Variants in SCHIP1 observed in about 807,000 individuals in gnomAD.
The protein encoded by SCHIP1 is schwannomin interacting protein 1, also known as schwannomin-interacting protein 1.
In SCHIP1, 8 loss-of-function variants were observed where a neutral mutation model predicts 29.7. The observed-to-expected ratio is 0.27, with a 90% CI of 0.16 to 0.49. The LOEUF is 0.49. Among genes scored for constraint, SCHIP1 ranks in the 20% least tolerant of loss-of-function variants. SCHIP1 has a pLI of 0.99. For missense variants in SCHIP1, 193 were observed against 294.6 expected, an observed-to-expected ratio of 0.66 and a Z score of 2.52; for synonymous variants, 76 against 94.9, an observed-to-expected ratio of 0.80 and a Z score of 1.16.
At chr3:159,775,187 A>G in the SCHIP1 span, among the ~76,000 whole-genome samples, 10 of 152,246 alleles carry the variant, frequency 6.6e-5, no homozygotes, top group East Asian at 9.6e-4. Context: ...ACTCTGCCGT[A>G]TAGAAATAAA....
chr3:159,502,160 A>C, the SCHIP1 span, among the ~76,000 whole-genome samples: 1 of 152,236 alleles, frequency 6.6e-6, no homozygotes, highest in African/African-American at 2.4e-5. Flanking sequence ...CTTCTAACCA[A>C]CTATAAACCT....
the SCHIP1 span, among the ~76,000 whole-genome samples, chr3:159,622,777 G>A: frequency 6.6e-6 from 1 of 152,022 alleles, no homozygotes; most frequent in Admixed American, 6.6e-5. Flanking sequence ...AAATTAGCCG[G>A]GCATGATGGT....
the SCHIP1 span, among the ~76,000 whole-genome samples, chr3:159,705,295 G>C: frequency 2.6e-5 from 4 of 151,968 alleles, no homozygotes; most frequent in African/African-American, 7.3e-5. Flanking sequence ...ATTAATTTTG[G>C]GTTTTTCTTT....
chr3:159,397,007 G>T, the SCHIP1 span, among the ~76,000 whole-genome samples: 1 of 144,114 alleles, frequency 6.9e-6, no homozygotes. Context: ...TTTCTTGGAG[G>T]CTTTGCTCGT....
the SCHIP1 span, among the ~76,000 whole-genome samples, chr3:159,830,936 CCT>C: frequency 6.6e-6 from 1 of 152,176 alleles, no homozygotes; most frequent in East Asian, 1.9e-4. Flanking sequence ...ATATGTCCAG[CCT>C]CTCTGCCACA....
At chr3:159,680,853 A>G in the SCHIP1 span, among the ~76,000 whole-genome samples, 17 of 146,894 alleles carry the variant, frequency 1.2e-4, no homozygotes, top group Non-Finnish European at 2.1e-4. Context: ...GAGGAATAGT[A>G]TGCCTGGTTA....
At chr3:159,419,550 T>C in the SCHIP1 span, among the ~76,000 whole-genome samples, 2 of 152,214 alleles carry the variant, frequency 1.3e-5, no homozygotes, top group Non-Finnish European at 2.9e-5. Context: ...GACTCACACC[T>C]GTAATCCCAG....
the SCHIP1 span, among the ~76,000 whole-genome samples, chr3:159,336,136 T>C: frequency 6.6e-6 from 1 of 152,256 alleles, no homozygotes; most frequent in South Asian, 2.1e-4. Context: ...GCTGCATAAA[T>C]GTCTTCTTTT....
the SCHIP1 span, among the ~76,000 whole-genome samples, chr3:159,342,452 C>A: frequency 2.6e-4 from 40 of 152,206 alleles, no homozygotes; most frequent in African/African-American, 9.6e-4. Flanking sequence ...ATATTCTGAT[C>A]CAAAATAAAC....
the SCHIP1 span, among the ~76,000 whole-genome samples, chr3:159,796,894 C>T: frequency 2.0e-5 from 3 of 152,300 alleles, no homozygotes; most frequent in Admixed American, 6.5e-5. Flanking sequence ...CAGTGTCTTT[C>T]TTCCCGATGA....
chr3:159,515,656 A>G, the SCHIP1 span, among the ~76,000 whole-genome samples: 3 of 152,358 alleles, frequency 2.0e-5, no homozygotes, highest in Admixed American at 6.5e-5. Flanking sequence ...TAAGGCATAT[A>G]TAGTGCAATA....
intron 1 of SCHIP1, among the ~76,000 whole-genome samples, chr3:159,865,786 G>A (rs1286518688): frequency 6.6e-6 from 1 of 152,226 alleles, no homozygotes; most frequent in Non-Finnish European, 1.5e-5. Context: ...CAAGATCAGG[G>A]AAAGGGCACA....
the SCHIP1 span, among the ~76,000 whole-genome samples, chr3:159,517,297 A>G: frequency 6.6e-6 from 1 of 152,260 alleles, no homozygotes; most frequent in Admixed American, 6.5e-5. Flanking sequence ...GGCAAACTTA[A>G]AGCTGAGTTG....
At chr3:159,468,736 TA>T in the SCHIP1 span, among the ~76,000 whole-genome samples, 7,919 of 137,336 alleles carry the variant, frequency 0.058, 311 homozygotes, top group East Asian at 0.096. Context: ...ATATATAATA[TA>T]ATATATAATA....
At chr3:159,551,231 C>T in the SCHIP1 span, among the ~76,000 whole-genome samples, 1 of 152,086 alleles carries the variant, frequency 6.6e-6, no homozygotes, top group Admixed American at 6.5e-5. Flanking sequence ...ATTCAGGTCC[C>T]CAGAGTAAAT....
the SCHIP1 span, among the ~76,000 whole-genome samples, chr3:159,513,875 CT>C: frequency 1.3e-5 from 2 of 152,160 alleles, no homozygotes; most frequent in Non-Finnish European, 2.9e-5. Flanking sequence ...TGTAACTGTC[CT>C]TGCCACTAGT....
At chr3:159,889,345 T>A (rs1006237083) in intron 5 of SCHIP1, among the ~76,000 whole-genome samples, 1 of 152,208 alleles carries the variant, frequency 6.6e-6, no homozygotes, top group African/African-American at 2.4e-5. Context: ...ATTAGACACA[T>A]TTCCTAGGAC....
chr3:159,509,748 A>G, the SCHIP1 span, among the ~76,000 whole-genome samples: 1 of 152,188 alleles, frequency 6.6e-6, no homozygotes, highest in Non-Finnish European at 1.5e-5. Context: ...GCTGGATATG[A>G]AATTCTGGGT....
chr3:159,601,495 T>C, the SCHIP1 span, among the ~76,000 whole-genome samples: 5 of 152,128 alleles, frequency 3.3e-5, no homozygotes, highest in South Asian at 1.0e-3. Flanking sequence ...CCACCCACCC[T>C]AGCCTTTGTT....
Sources: allele counts gnomAD v4.1 joint callset (sites outside exome capture counted in the v4.1 genomes callset), GRCh38; gene constraint gnomAD v4.1.1; transcripts MANE v1.5; gene names NCBI Gene and HGNC (gene_info 2026-07-23, HGNC 2026-07-21).